Variants in DPYSL2 observed in about 807,000 individuals in gnomAD.
The protein encoded by DPYSL2 is dihydropyrimidinase like 2, also known as dihydropyrimidinase-related protein 2.
A neutral mutation model predicts 69.9 loss-of-function variants in DPYSL2; 13 were observed. The ratio of observed to expected loss-of-function variants is 0.19; its 90% confidence interval spans 0.12 to 0.30. The LOEUF (loss-of-function observed/expected upper bound fraction) is 0.30. DPYSL2 is among the 10% of genes least tolerant of loss of function. The pLI, the probability that DPYSL2 is intolerant of heterozygous loss-of-function variation, is 1.00. For synonymous variants in DPYSL2, 326 were observed against 359.1 expected (o/e 0.91, Z 1.04); for missense variants, 587 against 918.9 (o/e 0.64, Z 4.67).
At chr8:26,618,080 T>C (rs895439482) in intron 3 of DPYSL2, among the ~76,000 whole-genome samples, 5 of 152,114 alleles carry the variant, frequency 3.3e-5, no homozygotes, top group Non-Finnish European at 5.9e-5. Flanking sequence ...ATAAGAGGAA[T>C]AGTCCTTTTT....
chr8:26,533,639 G>A lies in DPYSL2; in HGVS notation c.354+18960G>A, dbSNP rs1195138563. ...ATTAGCAAAAGCATTTTAGGAGATG[G>A]CAAGAAACTAGAGACAAAACATTGC... is the stretch of plus-strand genomic sequence containing the variant. On this transcript the variant is annotated intron_variant, in intron 1 of 13. Transcript: ENST00000521913. This position sits in a 1 kb window ranked among gnomAD's most constrained non-coding sequence, Gnocchi z 4.8. Among the ~76,000 whole-genome samples the A allele has an allele frequency of 1.3e-5, 2 of 152,178 alleles. No homozygotes were observed. The highest frequency in any genetic ancestry group is 4.8e-5 in the African/African-American group (2 of 41,434).
chr8:26,637,957 A>G (rs1362387013), intron 8 of DPYSL2: 3 of 152,222 alleles, frequency 2.0e-5, no homozygotes, highest in African/African-American at 7.2e-5. Flanking sequence ...CAGAGTAAAG[A>G]TGCCTGCTGA....
chr8:26,582,177 A>G lies in DPYSL2; in HGVS notation c.443+120A>G, dbSNP rs145324050. ...AACATCAGAGAGTGACCAACTTAGT[A>G]TCTGTTTTAAACTGGTTTTGATTGG... is the stretch of plus-strand genomic sequence containing the variant. On this transcript the variant is annotated intron_variant, in intron 2 of 13. Coordinates refer to ENST00000521913, the MANE Select transcript of DPYSL2 (RefSeq NM_001197293.3). This position sits in a 1 kb window ranked among gnomAD's most constrained non-coding sequence, Gnocchi z 4.1. 4.3e-5 allele frequency: 32 copies of G among 752,304 alleles called. No individual in the cohort carries two copies. In the African/African-American group the frequency reaches 4.4e-4, roughly 10 times the overall value. 46.6% of individuals were successfully genotyped at this position (752,304 alleles called of 1,614,324 possible).
intron 1 of DPYSL2, among the ~76,000 whole-genome samples, chr8:26,572,689 G>A (rs1801259156): frequency 6.6e-6 from 1 of 151,978 alleles, no homozygotes. Flanking sequence ...TAGTAGAGAT[G>A]GGGTTTCTCC....
chr8:26,552,293 T>G (rs1800884476), intron 1 of DPYSL2, among the ~76,000 whole-genome samples: 1 of 152,076 alleles, frequency 6.6e-6, no homozygotes, highest in South Asian at 2.1e-4. Flanking sequence ...AAAGAAGAAA[T>G]ATCTAATATC....
At chr8:26,604,887 T>C (rs1802076207) in intron 3 of DPYSL2, among the ~76,000 whole-genome samples, 1 of 151,980 alleles carries the variant, frequency 6.6e-6, no homozygotes, top group South Asian at 2.1e-4. Context: ...GCTGGTCTCC[T>C]GACCTCAAGT....
At chr8:26,584,127 C>G in intron 3 of DPYSL2, 144 bp downstream of exon 3, 1 of 769,660 alleles carries the variant, frequency 1.3e-6, no homozygotes, top group Non-Finnish European at 2.0e-6. Flanking sequence ...GATGTGTTAA[C>G]CATTTGTCTT....
Position 26,656,458 on chromosome 8 carries a change from T to C in DPYSL2, c.*752T>C, listed in dbSNP as rs1803393119. On this transcript the variant is annotated 3_prime_UTR_variant, in exon 14 of 14. Transcript: ENST00000521913. ...AGGATTCTCTTCTCTTTTACCATTT[T>C]TCTGCGTGCTCTCACTCTCTCTTTC... is the stretch of plus-strand genomic sequence containing the variant. 6.6e-6 allele frequency: 1 copy of C among 152,578 alleles called. No homozygotes were observed. Among genetic ancestry groups the C allele is most frequent in the Admixed American group, 6.5e-5 (1 of 15,278 alleles). 9.5% of individuals were successfully genotyped at this position (152,578 alleles called of 1,614,324 possible). A position where few individuals can be genotyped will look rare whatever the true frequency, so the allele number is the denominator to read the frequency against.
chr8:26,596,096 G>T (rs1454139967), intron 3 of DPYSL2, among the ~76,000 whole-genome samples: 2 of 152,166 alleles, frequency 1.3e-5, no homozygotes, highest in East Asian at 3.9e-4. Context: ...AACTGTCCCT[G>T]AGGCCTTGAC....
chr8:26,606,386 G>A lies in DPYSL2; in HGVS notation c.629-17757G>A, dbSNP rs545220144. Among the ~76,000 whole-genome samples the A allele has an allele frequency of 9.3e-4, 141 of 152,230 alleles. 1 individual carries two copies. Among genetic ancestry groups the A allele is most frequent in the African/African-American group, 3.2e-3 (134 of 41,562 alleles). On this transcript the variant is annotated intron_variant, in intron 3 of 13. Transcript: ENST00000521913. ...AAAGCCATATAATTTAGATATTTCA[G>A]CAAAGGCAGAAATCAGAAAAGATGG...
At chr8:26,540,513 C>CA (rs1800661555) in intron 1 of DPYSL2, among the ~76,000 whole-genome samples, 1 of 152,158 alleles carries the variant, frequency 6.6e-6, no homozygotes, top group African/African-American at 2.4e-5. Context: ...TTCTGAATCT[C>CA]AAAGATCCCC....
intron 8 of DPYSL2, among the ~76,000 whole-genome samples, chr8:26,639,827 TAG>T (rs1394624450): frequency 6.6e-6 from 1 of 152,158 alleles, no homozygotes; most frequent in Non-Finnish European, 1.5e-5. Flanking sequence ...CTACTGGACG[TAG>T]AATCATTAGT....
rs1811357509 is a variant in DPYSL2, at chr8:26,517,058, GC to G, written c.354+2380del. ...GTGCATTCTAATTGGAAGCCCTGACGCAGAGAAAGGTGGGGGAGATTGAGAA... is the reference window on the plus strand; with the variant it reads ...GTGCATTCTAATTGGAAGCCCTGACGAGAGAAAGGTGGGGGAGATTGAGAA... On this transcript the variant is annotated intron_variant, in intron 1 of 13. Transcript: ENST00000521913. This position sits in a 1 kb window ranked among gnomAD's most constrained non-coding sequence, Gnocchi z 4.2. 6.6e-6 allele frequency among the ~76,000 whole-genome samples: 1 copy of G among 152,170 alleles called. No individual in the cohort carries two copies. Among genetic ancestry groups the G allele is most frequent in the Non-Finnish European group, 1.5e-5 (1 of 68,014 alleles).
chr8:26,529,868 T>C (rs1049923222), intron 1 of DPYSL2, among the ~76,000 whole-genome samples: 7 of 151,614 alleles, frequency 4.6e-5, no homozygotes, highest in Middle Eastern at 3.4e-3. Flanking sequence ...CTCAGCACTT[T>C]GGGAGGCAGA....
At chr8:26,540,013 T>C (rs1463494896) in intron 1 of DPYSL2, among the ~76,000 whole-genome samples, 1 of 152,172 alleles carries the variant, frequency 6.6e-6, no homozygotes, top group Non-Finnish European at 1.5e-5. Flanking sequence ...TTTCAATAAC[T>C]GACCCTAAAG....
rs765793767 is a variant in DPYSL2 at position 26,610,026 on chromosome 8, G to A, written c.629-14117G>A. Among the ~76,000 whole-genome samples, 51 of 152,154 alleles carry A rather than the reference G, an allele frequency of 3.4e-4. No homozygotes were observed. Among genetic ancestry groups the A allele is most frequent in the South Asian group, 8.3e-4 (4 of 4,830 alleles). ...ACAGGCACACACATGAGAAAGGGAC[G>A]GGGAAAGCTAGGGTGTCCACCCCAG... On this transcript the variant is annotated intron_variant, in intron 3 of 13. Coordinates refer to ENST00000521913, the MANE Select transcript of DPYSL2 (RefSeq NM_001197293.3). The surrounding 1 kb of genome is among the most constrained non-coding windows in gnomAD (Gnocchi z 4.5).
rs1159884667 is a variant in DPYSL2 at position 26,634,859 on chromosome 8, G to A, written c.1085G>A (p.Ser362Asn). The change falls in exon 8 of 14, where the codon AGC becomes AAC. Residue 362 changes from serine to asparagine, a missense_variant. By Grantham distance (46) the Ser-to-Asn change is conservative. This residue lies in a region of DPYSL2 where 452 missense variants were observed against 754.3 expected (regional missense o/e 0.60). Transcript: ENST00000521913. Reference sequence around the variant, plus strand: ...CCGCTGTATATCACCAAGGTGATGAGCAAAAGCTCTGCTGAGGTCATCGCC... The same window carrying A: ...CCGCTGTATATCACCAAGGTGATGAACAAAAGCTCTGCTGAGGTCATCGCC... ...NCPLYITKVM[S>N]KSSAEVIAQA... 2 of 1,614,252 alleles carry A rather than the reference G, an allele frequency of 1.2e-6. No individual in the cohort carries two copies.
intron 1 of DPYSL2, among the ~76,000 whole-genome samples, chr8:26,523,932 C>T (rs1037069590): frequency 3.3e-5 from 5 of 152,174 alleles, no homozygotes; most frequent in African/African-American, 4.8e-5. Context: ...CATCAGTGGA[C>T]AATTGGGTTA....
chr8:26,557,199 G>GACTTCAAAAGTAAAAACCCTTTT (rs1801002640), intron 1 of DPYSL2, among the ~76,000 whole-genome samples: 1 of 150,948 alleles, frequency 6.6e-6, no homozygotes, highest in Non-Finnish European at 1.5e-5. Flanking sequence ...TGATAAGCTG[G>GACTTCAAAAGTAAAAACCCTTTT]ACTTCAAAAG....
Sources: gnomAD v4.1 joint callset for allele counts (sites outside exome capture counted in the v4.1 genomes callset) on GRCh38, gnomAD v4.1.1 for gene constraint, gnomAD v4.1.1 regional missense constraint, Gnocchi (gnomAD v3.1) non-coding constraint, MANE v1.5 for transcripts, NCBI Gene and HGNC (gene_info 2026-07-23, HGNC 2026-07-21) for gene names.